BEAN1: variants seen among roughly 807,000 people sequenced by gnomAD.
BEAN1 encodes the protein brain expressed associated with NEDD4 1, also known as protein BEAN1.
A neutral mutation model predicts 17.7 loss-of-function variants in BEAN1; 17 were observed. That is an observed-to-expected ratio of 0.96 (90% CI 0.66 to 1.44). BEAN1 has a LOEUF of 1.44. Among genes scored for constraint, BEAN1 ranks in the 40% most tolerant of loss-of-function variants. The pLI, the probability that BEAN1 is intolerant of heterozygous loss-of-function variation, is 0.00. For missense variants in BEAN1, 359 were observed against 374.1 expected (o/e 0.96, Z 0.33); for synonymous variants, 142 against 151.8 (o/e 0.94, Z 0.47).
chr16:66,485,201 C>G (rs865857592), downstream of BEAN1: 10 of 422,934 alleles, frequency 2.4e-5, no homozygotes, highest in Non-Finnish European at 4.3e-5. Context: ...TGGGGCCCCT[C>G]CCAAGTTCCT....
Position 66,436,266 on chromosome 16 carries a change from C to CTT in BEAN1, c.-82-1311_-82-1310dup, listed in dbSNP as rs560577711. Among the ~76,000 whole-genome samples the CTT allele has an allele frequency of 3.0e-3, 367 of 120,578 alleles. 3 individuals carry two copies. The highest frequency in any genetic ancestry group is 5.0e-3 in the Middle Eastern group (1 of 202). The allele number at this position is 120,578 out of a possible 152,430, so 79.1% of individuals were successfully genotyped here. ...GAGAATGGGCTACTTTTTTTCTTTT[C>CTT]TTTTTTTTTTTTTTTTTTTGAGACA... is the stretch of plus-strand genomic sequence containing the variant. On this transcript the variant is annotated intron_variant, in intron 1 of 4. Coordinates refer to ENST00000536005, the MANE Select transcript of BEAN1 (RefSeq NM_001178020.3).
intron 3 of BEAN1, among the ~76,000 whole-genome samples, chr16:66,476,020 G>T (rs1479214432): frequency 6.6e-6 from 1 of 151,462 alleles, no homozygotes; most frequent in Non-Finnish European, 1.5e-5. Flanking sequence ...TGAGGCAGGA[G>T]AATGGCGTGG....
At chr16:66,440,644 A>G (rs534613926) in intron 2 of BEAN1, among the ~76,000 whole-genome samples, 2 of 152,288 alleles carry the variant, frequency 1.3e-5, no homozygotes, top group South Asian at 4.1e-4. Context: ...CTCGCTGTGC[A>G]TGCCCCAGAC....
At position 66,461,099 on chromosome 16, in the gene BEAN1, A is replaced by G. The variant is rs1963065439; in HGVS notation, c.26-8503A>G. On this transcript the variant is annotated intron_variant, in intron 2 of 4. Coordinates refer to ENST00000536005, the MANE Select transcript of BEAN1 (RefSeq NM_001178020.3). ...TTTCCACTGGATCATGAGCACCTTT[A>G]TAGAAACTGCTTGGGAAGAAAGTCC... Among the ~76,000 whole-genome samples, 4 of 151,266 alleles carry G rather than the reference A, an allele frequency of 2.6e-5. No individual in the cohort carries two copies. In the South Asian group the frequency reaches 6.3e-4, roughly 24 times the overall value.
intron 4 of BEAN1, among the ~76,000 whole-genome samples, chr16:66,491,013 C>T (rs908579041): frequency 1.3e-5 from 2 of 152,330 alleles, no homozygotes; most frequent in Admixed American, 1.3e-4. Flanking sequence ...GGACTCTATC[C>T]TCCATATCCA....
At chr16:66,470,170 C>CGATG (rs71376799) in intron 3 of BEAN1, 79,357 of 344,344 alleles carry the variant, frequency 0.23, 10,232 homozygotes, top group Admixed American at 0.29. Context: ...TCTGGTGTCT[C>CGATG]GATGGATGGA....
At position 66,477,555 on chromosome 16, in the gene BEAN1, T is replaced by C; in HGVS notation, c.290-5T>C. On this transcript the variant is annotated splice_region_variant and splice_polypyrimidine_tract_variant and intron_variant, in intron 3 of 4. Transcript: ENST00000536005. ...AGGCCCAGGCCGGTGGTCTGTTCCCTGCAGTGTCGGACGAGCACACATACA... is the reference window on the plus strand; with the variant it reads ...AGGCCCAGGCCGGTGGTCTGTTCCCCGCAGTGTCGGACGAGCACACATACA... 3.2e-6 allele frequency: 5 copies of C among 1,538,864 alleles called. 1 individual carries two copies. In the South Asian group the frequency reaches 3.6e-5, roughly 11 times the overall value.
downstream of BEAN1, among the ~76,000 whole-genome samples, chr16:66,487,764 C>A (rs756742793): frequency 6.6e-6 from 1 of 152,136 alleles, no homozygotes; most frequent in Non-Finnish European, 1.5e-5. Flanking sequence ...TGAACTTGAA[C>A]CAGGCCTCAG....
At chr16:66,488,663 C>T (rs1300050417) in intron 4 of BEAN1, among the ~76,000 whole-genome samples, 1 of 151,632 alleles carries the variant, frequency 6.6e-6, no homozygotes, top group Non-Finnish European at 1.5e-5. Flanking sequence ...TGCCACTGTA[C>T]TCCAGCCTGG....
chr16:66,448,522 A>G (rs1962542376), intron 2 of BEAN1, among the ~76,000 whole-genome samples: 1 of 152,232 alleles, frequency 6.6e-6, no homozygotes, highest in African/African-American at 2.4e-5. Context: ...AACTGAACAC[A>G]TTCATATCAA....
At chr16:66,465,560 T>A (rs1026817389) in intron 2 of BEAN1, among the ~76,000 whole-genome samples, 5 of 152,262 alleles carry the variant, frequency 3.3e-5, no homozygotes, top group Non-Finnish European at 7.3e-5. Flanking sequence ...TTTGCTGGTA[T>A]TAAGTACATT....
intron 4 of BEAN1, among the ~76,000 whole-genome samples, chr16:66,490,751 G>C (rs1337709965): frequency 6.6e-6 from 1 of 152,168 alleles, no homozygotes; most frequent in East Asian, 1.9e-4. Context: ...GATGTGCCTG[G>C]TCTTCATTTT....
At chr16:66,484,830 G>A, downstream of BEAN1, 1 of 454,100 alleles carries the variant, frequency 2.2e-6, no homozygotes, top group Non-Finnish European at 4.4e-6. The surrounding 1 kb of genome is among the most constrained non-coding windows in gnomAD (Gnocchi z 4.2). Flanking sequence ...GGAGAGACGG[G>A]TTGTTTGTAC....
chr16:66,494,177 G>A (rs8047697), downstream of BEAN1, among the ~76,000 whole-genome samples: 9,544 of 152,260 alleles, frequency 0.063, 983 homozygotes, highest in African/African-American at 0.22. Flanking sequence ...TCCACCAGGA[G>A]GTGACTGCTG....
intron 1 of BEAN1, among the ~76,000 whole-genome samples, chr16:66,429,189 G>A (rs894554503): frequency 2.6e-5 from 4 of 152,210 alleles, no homozygotes; most frequent in Admixed American, 2.6e-4. Context: ...AGAAGCACCA[G>A]GGAGACAGCC....
At chr16:66,482,920 G>C (rs1226864104), downstream of BEAN1, 1 of 455,886 alleles carries the variant, frequency 2.2e-6, no homozygotes, top group Non-Finnish European at 4.4e-6. Context: ...GCAATGGTAT[G>C]AACATAGCTC....
downstream of BEAN1, chr16:66,483,116 C>A (rs1277417364): frequency 6.1e-6 from 2 of 326,796 alleles, no homozygotes; most frequent in African/African-American, 4.4e-5. Context: ...TCACCTCAGC[C>A]TCCCGAGTAG....
chr16:66,449,826 A>G (rs1267519660), intron 2 of BEAN1, among the ~76,000 whole-genome samples: 1 of 152,092 alleles, frequency 6.6e-6, no homozygotes, highest in Non-Finnish European at 1.5e-5. Flanking sequence ...TTGCTCCCAT[A>G]TTATTCTTGT....
chr16:66,452,958 C>T (rs983603733), intron 2 of BEAN1, among the ~76,000 whole-genome samples: 2 of 152,176 alleles, frequency 1.3e-5, no homozygotes, highest in Admixed American at 6.5e-5. Flanking sequence ...GGGCAAGTCA[C>T]TTCACCTTCC....
Sources: gnomAD v4.1 joint callset for allele counts (sites outside exome capture counted in the v4.1 genomes callset) on GRCh38, gnomAD v4.1.1 for gene constraint, Gnocchi (gnomAD v3.1) non-coding constraint, MANE v1.5 for transcripts, NCBI Gene and HGNC (gene_info 2026-07-23, HGNC 2026-07-21) for gene names.